Variants in DLG1 observed in about 807,000 individuals in gnomAD.
DLG1 encodes the protein disks large homolog 1.
DLG1 carries 42 observed loss-of-function variants against 123.4 expected under a neutral mutation model. The ratio of observed to expected loss-of-function variants is 0.34; its 90% confidence interval spans 0.27 to 0.44. The LOEUF (loss-of-function observed/expected upper bound fraction) is 0.44. Among genes scored for constraint, DLG1 ranks in the 20% least tolerant of loss-of-function variants. The pLI, the probability that DLG1 is intolerant of heterozygous loss-of-function variation, is 1.00. For synonymous variants in DLG1, 317 were observed against 356.2 expected, an observed-to-expected ratio of 0.89 and a Z score of 1.24; for missense variants, 942 against 1,082.6, an observed-to-expected ratio of 0.87 and a Z score of 1.82.
In DLG1 at chr3:197,162,271, CA is replaced by C. The variant is rs1258861063; in HGVS notation, c.484-12476del. Among the ~76,000 whole-genome samples, 25 of 150,722 alleles carry C rather than the reference CA, an allele frequency of 1.7e-4. 1 individual carries two copies. The highest frequency in any genetic ancestry group is 1.7e-3 in the Admixed American group (25 of 15,126). Reference sequence around the variant, plus strand: ...CATTGATTGTCTATTACATGCCAGACATATCTGGCAAAAATGAAAAAACAAC... The same window carrying C: ...CATTGATTGTCTATTACATGCCAGACTATCTGGCAAAAATGAAAAAACAAC... On this transcript the variant is annotated intron_variant, in intron 5 of 24. Transcript: ENST00000667157.
chr3:197,286,939 T>C (rs1347350616), intron 3 of DLG1, among the ~76,000 whole-genome samples: 1 of 151,816 alleles, frequency 6.6e-6, no homozygotes, highest in Non-Finnish European at 1.5e-5. Context: ...TCACTCAAGC[T>C]GCAGTACAGT....
intron 4 of DLG1, among the ~76,000 whole-genome samples, chr3:197,254,571 C>A (rs1455618858): frequency 6.6e-6 from 1 of 152,142 alleles, no homozygotes; most frequent in African/African-American, 2.4e-5. Flanking sequence ...AGAAAACCCA[C>A]ACAGCAGAAC....
intron 5 of DLG1, among the ~76,000 whole-genome samples, chr3:197,171,555 C>T (rs1804211498): frequency 6.6e-6 from 1 of 152,040 alleles, no homozygotes; most frequent in South Asian, 2.1e-4. Flanking sequence ...CAATTAATTC[C>T]ATTACAGAAA....
chr3:197,291,737 A>G (rs949144559), intron 3 of DLG1, among the ~76,000 whole-genome samples: 6 of 152,240 alleles, frequency 3.9e-5, no homozygotes, highest in Non-Finnish European at 8.8e-5. Context: ...GTCCAAGGGC[A>G]AGATTGGTCA....
chr3:197,221,309 G>A (rs1195204718), intron 4 of DLG1, among the ~76,000 whole-genome samples: 2 of 152,176 alleles, frequency 1.3e-5, no homozygotes, highest in Admixed American at 1.3e-4. Flanking sequence ...CCTGAGGTCA[G>A]GAGTTCGAGA....
At chr3:197,213,795 T>C (rs931753188) in intron 4 of DLG1, among the ~76,000 whole-genome samples, 3 of 152,198 alleles carry the variant, frequency 2.0e-5, no homozygotes, top group Non-Finnish European at 4.4e-5. Flanking sequence ...AAATAATCTA[T>C]AATAATGTTT....
rs897480643 is a variant in DLG1 at position 197,053,570 on chromosome 3, G to A, written c.2484-1902C>T. ...GCGGATCACCTGAGGTCAGGACTTC[G>A]GGACCAGCCTGGCCAACATGGTGAA... On this transcript the variant is annotated intron_variant, in intron 23 of 24. Transcript: ENST00000667157. Among the ~76,000 whole-genome samples, 10 of 151,594 alleles carry A rather than the reference G, an allele frequency of 6.6e-5. No homozygotes were observed. In the East Asian group the frequency reaches 1.2e-3, roughly 18 times the overall value.
intron 4 of DLG1, among the ~76,000 whole-genome samples, chr3:197,224,324 A>ATAAT (rs1170492957): frequency 6.6e-6 from 1 of 152,178 alleles, no homozygotes; most frequent in African/African-American, 2.4e-5. Flanking sequence ...ACCTTTTATA[A>ATAAT]TAATAGTATT....
intron 24 of DLG1, among the ~76,000 whole-genome samples, chr3:197,047,951 C>T (rs1724535146): frequency 6.6e-6 from 1 of 152,048 alleles, no homozygotes; most frequent in Non-Finnish European, 1.5e-5. Context: ...GAACAATCAA[C>T]AAAATGAAAA....
intron 14 of DLG1, among the ~76,000 whole-genome samples, chr3:197,100,227 C>T (rs1314976643): frequency 6.6e-6 from 1 of 152,186 alleles, no homozygotes; most frequent in African/African-American, 2.4e-5. Flanking sequence ...ATTATCTCCA[C>T]CTCTTCTCCC....
chr3:197,198,200 C>A (rs892837726), intron 4 of DLG1, among the ~76,000 whole-genome samples: 1 of 152,016 alleles, frequency 6.6e-6, no homozygotes, highest in African/African-American at 2.4e-5. Flanking sequence ...GAAAAGATGA[C>A]CCAAAGGGGC....
At position 197,085,745 on chromosome 3, in the gene DLG1, T is replaced by C. The variant is rs937872964; in HGVS notation, c.1673A>G (p.Asp558Gly). 1 of 1,612,100 alleles carries C rather than the reference T, an allele frequency of 6.2e-7. No homozygotes were observed. Among genetic ancestry groups the C allele is most frequent in the Non-Finnish European group, 8.5e-7 (1 of 1,179,520 alleles). The change falls in exon 16 of 25, where the codon GAT becomes GGT. Residue 558 changes from aspartate to glycine, a missense_variant. Physicochemically the swap from Asp to Gly is moderately conservative, Grantham distance 94 (BLOSUM62 -1). Coordinates refer to ENST00000667157, the MANE Select transcript of DLG1 (RefSeq NM_001366207.1). ...CCCACTGTCTTTAGTCTTGTCATAA[T>C]CAAAAAGGGCTCTAGAGTCAGAAGA... Reference protein sequence around the residue: ...KRSLYVRALFDYDKTKDSGLP... With the variant: ...KRSLYVRALFGYDKTKDSGLP...
At chr3:197,274,284 A>G (rs975016702) in intron 4 of DLG1, among the ~76,000 whole-genome samples, 1 of 152,210 alleles carries the variant, frequency 6.6e-6, no homozygotes, top group Non-Finnish European at 1.5e-5. Flanking sequence ...ACACAGAAAT[A>G]AATCCACACA....
At chr3:197,100,448 A>G (rs1383849813) in intron 14 of DLG1, among the ~76,000 whole-genome samples, 2 of 152,234 alleles carry the variant, frequency 1.3e-5, no homozygotes, top group African/African-American at 4.8e-5. Flanking sequence ...TGTCACAAAT[A>G]TAAGACCTAA....
chr3:197,104,674 C>T (rs764667372), intron 14 of DLG1, among the ~76,000 whole-genome samples: 1 of 151,788 alleles, frequency 6.6e-6, no homozygotes, highest in Non-Finnish European at 1.5e-5. Flanking sequence ...AAGAGTGGAA[C>T]CCCGTCTCAA....
intron 4 of DLG1, among the ~76,000 whole-genome samples, chr3:197,199,011 A>C (rs1724165572): frequency 6.6e-6 from 1 of 152,218 alleles, no homozygotes. Context: ...AACTCTGCGC[A>C]CATAACCATA....
At chr3:197,165,024 A>C (rs938681229) in intron 5 of DLG1, among the ~76,000 whole-genome samples, 1 of 152,226 alleles carries the variant, frequency 6.6e-6, no homozygotes, top group African/African-American at 2.4e-5. Flanking sequence ...GACATTGCTT[A>C]TGACAAAACA....
intron 4 of DLG1, among the ~76,000 whole-genome samples, chr3:197,196,579 G>C (rs553382835): frequency 6.6e-6 from 1 of 152,166 alleles, no homozygotes; most frequent in Non-Finnish European, 1.5e-5. Context: ...ATATACTTTA[G>C]AAGAGATACA....
chr3:197,274,830 T>C (rs574802690), intron 4 of DLG1, among the ~76,000 whole-genome samples: 86 of 152,290 alleles, frequency 5.6e-4, no homozygotes, highest in Non-Finnish European at 1.0e-3. Flanking sequence ...GACATACAAA[T>C]GGTTAATTGG....
Sources: gnomAD v4.1 joint callset for allele counts (sites outside exome capture counted in the v4.1 genomes callset) on GRCh38, gnomAD v4.1.1 for gene constraint, MANE v1.5 for transcripts, NCBI Gene and HGNC (gene_info 2026-07-23, HGNC 2026-07-21) for gene names.